Variants in DSCAML1 observed in about 807,000 individuals in gnomAD.
DSCAML1 encodes DS cell adhesion molecule like 1, also known as cell adhesion molecule DSCAML1.
A neutral mutation model predicts 200.5 loss-of-function variants in DSCAML1; 38 were observed. That is an observed-to-expected ratio of 0.19 (90% confidence interval 0.15 to 0.25). The LOEUF is 0.25. Among genes scored for constraint, DSCAML1 ranks in the 10% least tolerant of loss-of-function variants. DSCAML1 has a pLI of 1.00. For missense variants in DSCAML1, 2,223 were observed against 2,858.8 expected, an observed-to-expected ratio of 0.78 and a Z score of 5.07; for synonymous variants, 1,215 against 1,165.0, an observed-to-expected ratio of 1.04 and a Z score of -0.87.
intron 1 of DSCAML1, among the ~76,000 whole-genome samples, chr11:117,812,686 C>G (rs1231345330): frequency 1.3e-5 from 2 of 151,152 alleles, no homozygotes; most frequent in African/African-American, 4.8e-5. Flanking sequence ...TCATCCTCAT[C>G]TGTTACCTAT....
rs750387857 is a variant in DSCAML1, at chr11:117,776,905, C to T, written c.397G>A (p.Asp133Asn). ...FREPYTVRVEDQRSMRGNVAV... is the reference protein window; with the variant it reads ...FREPYTVRVENQRSMRGNVAV... ...ACGTTGCCACGCATTGACCTTTGAT[C>T]CTCCACCCGGACGGTGTAGGGTTCC... is the stretch of plus-strand genomic sequence containing the variant. Residue 133 changes from aspartate (D) to asparagine (N), a missense_variant, in exon 3 of 33, where the codon GAT (aspartate) becomes AAT (asparagine). Physicochemically the swap from Asp to Asn is conservative, Grantham distance 23. This residue lies in a region of DSCAML1 where 579 missense variants were observed against 721.5 expected (regional missense o/e 0.80). Coordinates refer to ENST00000651296, the MANE Select transcript of DSCAML1 (RefSeq NM_020693.4). 3 of 1,614,006 alleles carry T rather than the reference C, an allele frequency of 1.9e-6. No individual in the cohort carries two copies.
intron 14 of DSCAML1, among the ~76,000 whole-genome samples, chr11:117,476,231 G>C (rs1227176525): frequency 6.6e-6 from 1 of 152,190 alleles, no homozygotes; most frequent in Admixed American, 6.5e-5. Flanking sequence ...TGCTTGCTGA[G>C]AGGGGACTGG....
chr11:117,698,748 C>T (rs1376826831), intron 3 of DSCAML1, among the ~76,000 whole-genome samples: 1 of 152,170 alleles, frequency 6.6e-6, no homozygotes, highest in Admixed American at 6.5e-5. Flanking sequence ...CTATTCCATC[C>T]ATTTCGGAAT....
intron 14 of DSCAML1, among the ~76,000 whole-genome samples, chr11:117,477,950 G>C (rs1294150095): frequency 6.6e-6 from 1 of 152,198 alleles, no homozygotes; most frequent in East Asian, 1.9e-4. Flanking sequence ...AAGCCCTTGT[G>C]GTAGGCAGAG....
chr11:117,619,495 T>C (rs1220328677), intron 3 of DSCAML1, among the ~76,000 whole-genome samples: 2 of 152,228 alleles, frequency 1.3e-5, no homozygotes, highest in Non-Finnish European at 2.9e-5. Context: ...AGTGGAGAAA[T>C]ATTTCAGAAA....
chr11:117,742,003 A>G (rs542031822), intron 3 of DSCAML1, among the ~76,000 whole-genome samples: 1 of 152,352 alleles, frequency 6.6e-6, no homozygotes, highest in East Asian at 1.9e-4. Context: ...AAATGCTCTC[A>G]GGGAGGAAAC....
intron 16 of DSCAML1, among the ~76,000 whole-genome samples, chr11:117,468,837 C>A (rs1224535898): frequency 2.6e-5 from 4 of 152,222 alleles, no homozygotes; most frequent in Non-Finnish European, 4.4e-5. Flanking sequence ...GAATCTCTCT[C>A]ACTCTCAAGT....
intron 3 of DSCAML1, among the ~76,000 whole-genome samples, chr11:117,716,254 C>T (rs540833484): frequency 4.6e-5 from 7 of 152,298 alleles, no homozygotes; most frequent in East Asian, 3.9e-4. Context: ...CCTGGATGGC[C>T]GGGGTTCTGG....
rs545023569 is a variant in DSCAML1 at position 117,476,632 on chromosome 11, C to T, written c.2785+3811G>A. 1.6e-4 allele frequency among the ~76,000 whole-genome samples: 25 copies of T among 152,320 alleles called. No individual in the cohort carries two copies. In the East Asian group the frequency reaches 1.9e-3, roughly 12 times the overall value. On this transcript the variant is annotated intron_variant, in intron 14 of 32. Coordinates refer to ENST00000651296, the MANE Select transcript of DSCAML1 (RefSeq NM_020693.4). ...TTGCTCTGTGCTTGGTGAACAGGGGCGAAATGTGGTGTCTGCATTTTTAAA... is the reference window on the plus strand; with the variant it reads ...TTGCTCTGTGCTTGGTGAACAGGGGTGAAATGTGGTGTCTGCATTTTTAAA...
At chr11:117,800,219 T>C (rs2134083922), upstream of DSCAML1, among the ~76,000 whole-genome samples, 1 of 152,198 alleles carries the variant, frequency 6.6e-6, no homozygotes, top group Non-Finnish European at 1.5e-5. Flanking sequence ...TGTATTGGGG[T>C]GGGCAAGCCA....
rs1565280854 is a variant in DSCAML1 at position 117,780,260 on chromosome 11, G to GAAAGAA, written c.364+227_364+232dup. ...AGAAAGAAAGAAAGAAAGAAAGAAAGAAAGAAAGAAAGAAAGAAAGAAAGA... is the reference window on the plus strand; with the variant it reads ...AGAAAGAAAGAAAGAAAGAAAGAAAGAAAGAAAAAGAAAGAAAGAAAGAAAGAAAGA... On this transcript the variant is annotated intron_variant, in intron 2 of 32. Coordinates refer to ENST00000651296, the MANE Select transcript of DSCAML1 (RefSeq NM_020693.4). This position sits in a 1 kb window ranked among gnomAD's most constrained non-coding sequence, Gnocchi z 4.8. Among the ~76,000 whole-genome samples, 22 of 91,406 alleles carry GAAAGAA rather than the reference G, an allele frequency of 2.4e-4. No homozygotes were observed. Among genetic ancestry groups the GAAAGAA allele is most frequent in the African/African-American group, 6.7e-4 (19 of 28,510 alleles). 60.0% of individuals were successfully genotyped at this position (91,406 alleles called of 152,430 possible).
rs1555198843 is a variant in DSCAML1 at position 117,687,448 on chromosome 11, T to TC, written c.511+89342_511+89343insG. On this transcript the variant is annotated intron_variant, in intron 3 of 32. Transcript: ENST00000651296. ...GCTATTTTTTTTTTTTTTTTTTTTT[T>TC]AGAGATGGGGTCTCGCTATTTTGCC... Among the ~76,000 whole-genome samples, 3 of 148,634 alleles carry TC rather than the reference T, an allele frequency of 2.0e-5. No homozygotes were observed. The Admixed American group carries it at 2.0e-4, about 10-fold the overall frequency.
At chr11:117,781,742 G>C (rs986788780) in intron 1 of DSCAML1, among the ~76,000 whole-genome samples, 4 of 152,188 alleles carry the variant, frequency 2.6e-5, no homozygotes, top group African/African-American at 9.7e-5. Context: ...GGAGAGGATG[G>C]GCAAGACTGC....
chr11:117,649,404 C>G (rs567999506), intron 3 of DSCAML1, among the ~76,000 whole-genome samples: 5 of 152,154 alleles, frequency 3.3e-5, no homozygotes, highest in African/African-American at 1.2e-4. Context: ...AAAGAGAAAG[C>G]CTTTCCCTTA....
chr11:117,450,216 C>T (rs1009243698), intron 20 of DSCAML1, among the ~76,000 whole-genome samples: 2 of 152,226 alleles, frequency 1.3e-5, no homozygotes, highest in African/African-American at 4.8e-5. Flanking sequence ...ACAGACCAGC[C>T]TGGGGACCTG....
intron 3 of DSCAML1, among the ~76,000 whole-genome samples, chr11:117,764,099 G>A (rs1420611196): frequency 2.6e-5 from 4 of 152,056 alleles, no homozygotes; most frequent in East Asian, 1.9e-4. Flanking sequence ...AGGCTGGCAC[G>A]GTGCCTCCAA....
At chr11:117,543,808 T>G (rs112693075) in intron 3 of DSCAML1, among the ~76,000 whole-genome samples, 2,371 of 151,514 alleles carry the variant, frequency 0.016, 36 homozygotes, top group East Asian at 0.078. Flanking sequence ...GCAGTTTTTT[T>G]TTTGTTTGTT....
At chr11:117,775,185 C>A (rs1251755521) in intron 3 of DSCAML1, among the ~76,000 whole-genome samples, 4 of 152,164 alleles carry the variant, frequency 2.6e-5, no homozygotes, top group African/African-American at 9.7e-5. Flanking sequence ...ATGGTCCCTG[C>A]CTGAATGATT....
chr11:117,666,274 G>A (rs2052973590), intron 3 of DSCAML1, among the ~76,000 whole-genome samples: 1 of 152,154 alleles, frequency 6.6e-6, no homozygotes, highest in African/African-American at 2.4e-5. Context: ...AATACCTGCT[G>A]TAAGCGTGCT....
Sources: gnomAD v4.1 joint callset for allele counts (sites outside exome capture counted in the v4.1 genomes callset) on GRCh38, gnomAD v4.1.1 for gene constraint, gnomAD v4.1.1 regional missense constraint, Gnocchi (gnomAD v3.1) non-coding constraint, MANE v1.5 for transcripts, NCBI Gene and HGNC (gene_info 2026-07-23, HGNC 2026-07-21) for gene names.